CADM1: variants seen among roughly 807,000 people sequenced by gnomAD.
The protein encoded by CADM1 is cell adhesion molecule 1.
CADM1 carries 15 observed loss-of-function variants against 53.1 expected under a neutral mutation model. The observed-to-expected ratio is 0.28, with a 90% CI of 0.19 to 0.44. The LOEUF is 0.44. Ranked by LOEUF, CADM1 falls within the 20% of genes least tolerant of loss-of-function variation. CADM1 has a pLI of 1.00. For synonymous variants in CADM1, 281 were observed against 243.0 expected (o/e 1.16, Z -1.45); for missense variants, 434 against 611.3 (o/e 0.71, Z 3.06).
At chr11:115,386,575 AAGGGGCTGAGTCCGCTAGCT>A (rs1946703278) in intron 1 of CADM1, among the ~76,000 whole-genome samples, 1 of 152,200 alleles carries the variant, frequency 6.6e-6, no homozygotes, top group East Asian at 1.9e-4. Context: ...TCACATGGTG[AAGGGGCTGAGTCCGCTAGCT>A]CAGATCTCTC....
At chr11:115,463,163 C>T (rs1463702386) in intron 1 of CADM1, among the ~76,000 whole-genome samples, 2 of 152,096 alleles carry the variant, frequency 1.3e-5, no homozygotes, top group Non-Finnish European at 2.9e-5. Context: ...ACTCACCAAC[C>T]TCCTGAAGGC....
chr11:115,245,695 A>AT (rs2134944305), intron 1 of CADM1, among the ~76,000 whole-genome samples: 1 of 152,322 alleles, frequency 6.6e-6, no homozygotes, highest in Non-Finnish European at 1.5e-5. Context: ...AAAAATTAAG[A>AT]TTCTGCTGAA....
At chr11:115,219,548 A>G (rs1941326033) in intron 5 of CADM1, among the ~76,000 whole-genome samples, 1 of 152,224 alleles carries the variant, frequency 6.6e-6, no homozygotes, top group Non-Finnish European at 1.5e-5. Flanking sequence ...CAAGTTACAC[A>G]GTTCTATTCT....
At chr11:115,188,338 T>C (rs1033458562) in intron 10 of CADM1, among the ~76,000 whole-genome samples, 4 of 152,170 alleles carry the variant, frequency 2.6e-5, no homozygotes, top group Non-Finnish European at 5.9e-5. Context: ...AAAGTAGAAC[T>C]GGGTAAGCTC....
intron 1 of CADM1, among the ~76,000 whole-genome samples, chr11:115,284,791 G>T (rs1009536245): frequency 2.6e-4 from 40 of 152,242 alleles, no homozygotes; most frequent in African/African-American, 8.9e-4. Flanking sequence ...TAATATTTTT[G>T]ATTTTTAAAG....
At chr11:115,210,607 A>G (rs1940914554) in intron 7 of CADM1, among the ~76,000 whole-genome samples, 1 of 152,232 alleles carries the variant, frequency 6.6e-6, no homozygotes, top group South Asian at 2.1e-4. Context: ...ATTCTGCTAT[A>G]ATAGAGCATA....
At chr11:115,210,915 T>C (rs1197030519) in intron 7 of CADM1, among the ~76,000 whole-genome samples, 2 of 152,192 alleles carry the variant, frequency 1.3e-5, no homozygotes, top group Non-Finnish European at 2.9e-5. Flanking sequence ...CACACTTGGA[T>C]GAAATTAACA....
At chr11:115,456,118 T>C (rs1223326277) in intron 1 of CADM1, among the ~76,000 whole-genome samples, 10 of 152,182 alleles carry the variant, frequency 6.6e-5, no homozygotes, top group Admixed American at 6.6e-4. Context: ...ATCCAACATG[T>C]TTGAATCAAG....
rs900357415 is a variant in CADM1, at chr11:115,172,535, C to G, written c.*3939G>C. 1.3e-5 allele frequency: 2 copies of G among 152,186 alleles called. No individual in the cohort carries two copies. Among genetic ancestry groups the G allele is most frequent in the Non-Finnish European group, 2.9e-5 (2 of 68,094 alleles). 9.4% of individuals were successfully genotyped at this position (152,186 alleles called of 1,614,324 possible). ...GACTCACCAGCCTTCACTGATTACC[C>G]TTCTCCAGAAAATTCTCATAGCACT... is the stretch of plus-strand genomic sequence containing the variant. On this transcript the variant is annotated 3_prime_UTR_variant, in exon 12 of 12. Transcript: ENST00000331581.
chr11:115,333,098 A>G (rs1591717236), intron 1 of CADM1, among the ~76,000 whole-genome samples: 1 of 152,038 alleles, frequency 6.6e-6, no homozygotes, highest in Admixed American at 6.6e-5. Context: ...CTGTTTAGCA[A>G]ATTCCTCCCC....
chr11:115,373,018 C>T (rs1484732609), intron 1 of CADM1, among the ~76,000 whole-genome samples: 1 of 152,212 alleles, frequency 6.6e-6, no homozygotes, highest in East Asian at 1.9e-4. Context: ...ACATAAATTG[C>T]TCTGATATTT....
intron 1 of CADM1, among the ~76,000 whole-genome samples, chr11:115,409,030 AAGGGAGCCC>A (rs34661389): frequency 0.46 from 70,050 of 151,540 alleles, 17,601 homozygotes; most frequent in African/African-American, 0.63. Context: ...GGAGGTCAAA[AAGGGAGCCC>A]AGGCAGCTAT....
chr11:115,254,585 CACACACACAG>C (rs1269554966), intron 1 of CADM1, among the ~76,000 whole-genome samples: 16 of 149,430 alleles, frequency 1.1e-4, no homozygotes, highest in East Asian at 3.9e-4. Flanking sequence ...CACACACACA[CACACACACAG>C]AGACAACAAA....
chr11:115,485,008 T>C lies in CADM1; in HGVS notation c.124+19263A>G, dbSNP rs1035507969. Among the ~76,000 whole-genome samples, 2 of 152,112 alleles carry C rather than the reference T, an allele frequency of 1.3e-5. 1 individual carries two copies. The highest frequency in any genetic ancestry group is 4.2e-4 in the South Asian group (2 of 4,788). ...ATCTTGTTCCGGTGTTGCCATATCC[T>C]AGCTTTGTGACTGGCTAAATCTCTA... On this transcript the variant is annotated intron_variant, in intron 1 of 11. Transcript: ENST00000331581.
At chr11:115,331,466 G>C (rs1046391044) in intron 1 of CADM1, among the ~76,000 whole-genome samples, 1 of 151,926 alleles carries the variant, frequency 6.6e-6, no homozygotes, top group African/African-American at 2.4e-5. Flanking sequence ...TTAAATTAAG[G>C]GCCCAAAAGG....
At chr11:115,237,526 C>A (rs1224410229) in intron 3 of CADM1, among the ~76,000 whole-genome samples, 5 of 152,158 alleles carry the variant, frequency 3.3e-5, no homozygotes, top group Non-Finnish European at 7.4e-5. Context: ...TGCACACATA[C>A]CAAGCAAAAA....
intron 1 of CADM1, among the ~76,000 whole-genome samples, chr11:115,303,380 G>A (rs1026234602): frequency 2.0e-4 from 30 of 151,938 alleles, no homozygotes; most frequent in African/African-American, 6.3e-4. Flanking sequence ...ATGTGTTGAC[G>A]CTCCCCGGTG....
At chr11:115,498,253 A>T (rs973851125) in intron 1 of CADM1, among the ~76,000 whole-genome samples, 1 of 152,204 alleles carries the variant, frequency 6.6e-6, no homozygotes, top group Non-Finnish European at 1.5e-5. Flanking sequence ...TTTTGTGATC[A>T]CTTCAGTTAC....
chr11:115,214,906 C>T (rs768748078), intron 6 of CADM1, 126 bp from the exon 7 acceptor site: 358 of 1,020,846 alleles, frequency 3.5e-4, no homozygotes, highest in Non-Finnish European at 5.2e-4. Context: ...CACAGAATTA[C>T]AACTGTGAAG....
Sources: gnomAD v4.1 joint callset for allele counts (sites outside exome capture counted in the v4.1 genomes callset) on GRCh38, gnomAD v4.1.1 for gene constraint, MANE v1.5 for transcripts, NCBI Gene and HGNC (gene_info 2026-07-23, HGNC 2026-07-21) for gene names.